TC2N: variants seen among roughly 807,000 people sequenced by gnomAD.
TC2N encodes tandem C2 domains, nuclear.
In TC2N, 51 loss-of-function variants were observed where a neutral mutation model predicts 61.9. The ratio of observed to expected loss-of-function variants is 0.82; its 90% confidence interval spans 0.66 to 1.04. TC2N has a LOEUF of 1.04. Among genes scored for constraint, TC2N ranks in the 50% least tolerant of loss-of-function variants. The pLI is 0.00. For missense variants in TC2N, 556 were observed against 566.7 expected, an observed-to-expected ratio of 0.98 and a Z score of 0.19; for synonymous variants, 204 against 192.6, an observed-to-expected ratio of 1.06 and a Z score of -0.49.
At position 91,785,233 on chromosome 14, in the gene TC2N, C is replaced by T. The variant is rs994860688; in HGVS notation, c.1291G>A (p.Glu431Lys). The T allele has an allele frequency of 6.2e-7, 1 of 1,613,406 alleles. No homozygotes were observed. Among genetic ancestry groups the T allele is most frequent in the Non-Finnish European group, 8.5e-7 (1 of 1,179,634 alleles). The change falls in exon 11 of 12, where the codon GAA becomes AAA. Residue 431 changes from glutamate to lysine, a missense_variant. Physicochemically the swap from Glu to Lys is moderately conservative, Grantham distance 56. Coordinates refer to ENST00000435962, the MANE Select transcript of TC2N (RefSeq NM_001128596.3). ...ETMIFPLIQS[E>K]KEIVFLIKLY... ...TTAATGAGAAAAACAATTTCTTTTT[C>T]ACTCTGTATAAGTGGAAAAATCATA...
intron 9 of TC2N, among the ~76,000 whole-genome samples, chr14:91,792,106 G>A (rs564617726): frequency 3.6e-4 from 54 of 151,240 alleles, no homozygotes; most frequent in African/African-American, 1.1e-3. Flanking sequence ...GCGACAGAGC[G>A]AGACTCCATC....
intron 1 of TC2N, among the ~76,000 whole-genome samples, chr14:91,830,064 G>T (rs1887684019): frequency 1.3e-5 from 2 of 152,152 alleles, no homozygotes; most frequent in South Asian, 4.1e-4. Flanking sequence ...TGTGGCTGTA[G>T]AGAAACTGGA....
At chr14:91,850,510 C>G (rs1283968708) in intron 1 of TC2N, among the ~76,000 whole-genome samples, 1 of 152,196 alleles carries the variant, frequency 6.6e-6, no homozygotes, top group Non-Finnish European at 1.5e-5. Context: ...ACAGCCTCTC[C>G]CCATCACTCA....
intron 1 of TC2N, among the ~76,000 whole-genome samples, chr14:91,836,904 C>T (rs1888047168): frequency 6.6e-6 from 1 of 152,192 alleles, no homozygotes; most frequent in Admixed American, 6.5e-5. Flanking sequence ...TGTTTATGCA[C>T]ACTTTACTTA....
intron 3 of TC2N, among the ~76,000 whole-genome samples, chr14:91,803,968 A>AT (rs1349052298): frequency 6.6e-6 from 1 of 152,206 alleles, no homozygotes; most frequent in Non-Finnish European, 1.5e-5. Flanking sequence ...TGGTATGGCC[A>AT]TAAAGGGCTC....
At chr14:91,815,495 A>G (rs1329494140) in intron 1 of TC2N, among the ~76,000 whole-genome samples, 1 of 151,748 alleles carries the variant, frequency 6.6e-6, no homozygotes, top group Non-Finnish European at 1.5e-5. Flanking sequence ...ATTAAATTGT[A>G]TAAGAACTTC....
intron 1 of TC2N, among the ~76,000 whole-genome samples, chr14:91,822,746 G>A (rs559235174): frequency 2.9e-5 from 4 of 139,238 alleles, no homozygotes; most frequent in African/African-American, 5.4e-5. Context: ...ACAGTGTCTC[G>A]CTCTGTCGCC....
At chr14:91,855,521 G>A (rs1888466482) in intron 1 of TC2N, among the ~76,000 whole-genome samples, 1 of 152,128 alleles carries the variant, frequency 6.6e-6, no homozygotes, top group South Asian at 2.1e-4. Flanking sequence ...ATCTTTGTGT[G>A]TCCTCTTGTA....
chr14:91,866,106 C>A (rs982884261), intron 1 of TC2N, among the ~76,000 whole-genome samples: 1 of 152,250 alleles, frequency 6.6e-6, no homozygotes, highest in South Asian at 2.1e-4. Context: ...AATATTTCAT[C>A]TGGCAAGAGG....
chr14:91,848,747 C>T (rs1888316656), intron 1 of TC2N, among the ~76,000 whole-genome samples: 1 of 152,184 alleles, frequency 6.6e-6, no homozygotes, highest in South Asian at 2.1e-4. Flanking sequence ...ACCTCTTGAG[C>T]TCCAGGAGTT....
At chr14:91,825,923 T>G (rs533453266) in intron 1 of TC2N, among the ~76,000 whole-genome samples, 2 of 152,358 alleles carry the variant, frequency 1.3e-5, no homozygotes, top group African/African-American at 4.8e-5. Flanking sequence ...ATATTCATAG[T>G]ATATCATCAA....
chr14:91,800,469 A>G, intron 4 of TC2N, 97 bp from the exon 5 acceptor site: 1 of 593,098 alleles, frequency 1.7e-6, no homozygotes. Flanking sequence ...CATCATGAAT[A>G]TTTTGTGCAA....
chr14:91,789,543 G>T (rs1449417040), intron 9 of TC2N, among the ~76,000 whole-genome samples: 1 of 151,426 alleles, frequency 6.6e-6, no homozygotes, highest in Non-Finnish European at 1.5e-5. Context: ...CCCAGGAGGC[G>T]GAGCTTGCAG....
At position 91,813,773 on chromosome 14, in the gene TC2N, AT is replaced by A. The variant is rs765234082; in HGVS notation, c.-5del. The A allele has an allele frequency of 3.7e-6, 6 of 1,604,096 alleles. No individual in the cohort carries two copies. The African/African-American group carries it at 5.4e-5, about 14-fold the overall frequency. The stretch of plus-strand genomic sequence containing the variant: ...TCTTTATAAATTCTGTTGCCATTAC[AT>A]TCAATTTCCAATATCCAGCAAAAGA... On this transcript the variant is annotated 5_prime_UTR_variant, in exon 2 of 12. It adds an upstream start codon to the 5' untranslated region. Transcript: ENST00000435962.
At chr14:91,789,027 AAGAT>A (rs1220254856) in intron 9 of TC2N, among the ~76,000 whole-genome samples, 15 of 152,244 alleles carry the variant, frequency 9.9e-5, no homozygotes, top group African/African-American at 3.6e-4. Flanking sequence ...TATATTTTAA[AAGAT>A]AGAGTCATAC....
intron 1 of TC2N, among the ~76,000 whole-genome samples, chr14:91,817,880 C>A (rs1171763202): frequency 6.6e-6 from 1 of 152,010 alleles, no homozygotes; most frequent in Non-Finnish European, 1.5e-5. Flanking sequence ...TAATACACTA[C>A]AGGAAAGACA....
intron 1 of TC2N, among the ~76,000 whole-genome samples, chr14:91,817,818 G>C (rs74392917): frequency 1.3e-5 from 2 of 152,046 alleles, no homozygotes; most frequent in African/African-American, 2.4e-5. Context: ...AGTAGAAAGA[G>C]AGAAAAGTTT....
At chr14:91,813,414 A>G (rs887573982) in intron 2 of TC2N, among the ~76,000 whole-genome samples, 2 of 151,610 alleles carry the variant, frequency 1.3e-5, no homozygotes, top group African/African-American at 4.8e-5. Flanking sequence ...CCCATGTCCA[A>G]TTTTCAGTTT....
intron 1 of TC2N, among the ~76,000 whole-genome samples, chr14:91,827,397 C>G (rs928930915): frequency 1.3e-5 from 2 of 152,154 alleles, no homozygotes; most frequent in African/African-American, 4.8e-5. Context: ...CATTCCTTTG[C>G]CTTTTCCAGT....
Sources: allele counts gnomAD v4.1 joint callset (sites outside exome capture counted in the v4.1 genomes callset), GRCh38; gene constraint gnomAD v4.1.1; transcripts MANE v1.5; gene names NCBI Gene and HGNC (gene_info 2026-07-23, HGNC 2026-07-21).